IDO1: variants seen among roughly 807,000 people sequenced by gnomAD.
IDO1 encodes the protein indoleamine 2,3-dioxygenase 1.
IDO1 carries 35 observed loss-of-function variants against 38.8 expected under a neutral mutation model. The observed-to-expected ratio is 0.90, with a 90% confidence interval of 0.69 to 1.20. The LOEUF is 1.20. IDO1 is among the 50% of genes most tolerant of loss of function. The pLI, the probability that IDO1 is intolerant of heterozygous loss-of-function variation, is 0.00. For missense variants in IDO1, 509 were observed against 485.1 expected, an observed-to-expected ratio of 1.05 and a Z score of -0.46; for synonymous variants, 171 against 170.0, an observed-to-expected ratio of 1.01 and a Z score of -0.05.
chr8:39,915,406 A>G (rs1290606078), intron 1 of IDO1, among the ~76,000 whole-genome samples: 2 of 152,232 alleles, frequency 1.3e-5, no homozygotes, highest in East Asian at 3.8e-4. Context: ...ACCTTTAAAC[A>G]CAGCAAATGT....
chr8:39,918,653 GGA>G lies in IDO1; in HGVS notation c.304-159_304-158del, dbSNP rs568878866. Among the ~76,000 whole-genome samples, 307 of 149,552 alleles carry G rather than the reference GGA, an allele frequency of 2.1e-3. 2 individuals carry two copies. Among genetic ancestry groups the G allele is most frequent in the Non-Finnish European group, 3.3e-3 (226 of 67,646 alleles). On this transcript the variant is annotated intron_variant, in intron 3 of 9. Coordinates refer to ENST00000518237, the MANE Select transcript of IDO1 (RefSeq NM_002164.6). ...CCCAGCTACTCGGGAGGCTGAGGTG[GGA>G]GAATCACTTGAACCTGGGAGGCAGA...
chr8:39,915,672 A>C (rs1443335293), intron 1 of IDO1: 2 of 152,234 alleles, frequency 1.3e-5, no homozygotes, highest in African/African-American at 2.4e-5. Context: ...GATTTCAAGG[A>C]TGTACTTATC....
intron 6 of IDO1, 48 bp downstream of exon 6, chr8:39,922,699 G>A (rs368252945): frequency 3.9e-4 from 498 of 1,263,346 alleles, no homozygotes; most frequent in South Asian, 5.0e-4. Context: ...TACGTAAGCA[G>A]AGCAATCACT....
At chr8:39,918,469 A>G (rs1807213638) in intron 3 of IDO1, 2 of 483,608 alleles carry the variant, frequency 4.1e-6, no homozygotes, top group African/African-American at 3.9e-5. Flanking sequence ...TGCAATATCT[A>G]ACCTTTAAAA....
chr8:39,919,181 C>T, intron 4 of IDO1: 1 of 606,670 alleles, frequency 1.6e-6, no homozygotes, highest in Non-Finnish European at 3.1e-6. Context: ...TTGAATTTAA[C>T]TATTATATAC....
intron 4 of IDO1, among the ~76,000 whole-genome samples, chr8:39,919,202 C>T (rs1019865919): frequency 6.6e-6 from 1 of 152,066 alleles, no homozygotes; most frequent in Non-Finnish European, 1.5e-5. Flanking sequence ...ATACATACAC[C>T]CACCATTCTC....
At chr8:39,918,067 A>C (rs1379088116) in intron 2 of IDO1, 21 bp from the exon 3 acceptor site, 1 of 1,613,732 alleles carries the variant, frequency 6.2e-7, no homozygotes, top group East Asian at 2.2e-5. Flanking sequence ...GATTTGAGTC[A>C]ATTGCTCCAT....
Position 39,913,938 on chromosome 8 carries a change from GA to G in IDO1, c.20del (p.Asn7ThrfsTer44). 6.4e-7 allele frequency: 1 copy of G among 1,571,702 alleles called. No homozygotes were observed. The highest frequency in any genetic ancestry group is 1.9e-5 in the Admixed American group (1 of 53,096). On this transcript the variant is annotated frameshift_variant, in exon 1 of 10. Coordinates refer to ENST00000518237, the MANE Select transcript of IDO1 (RefSeq NM_002164.6). LOFTEE classifies it high-confidence loss of function. Reference protein sequence around the residue: MAHAMENSWTISKEYH... With the variant: MAHAMXNSWTISKEYH... Reference sequence around the variant, plus strand: ...GACTACAAGAATGGCACACGCTATGGAAAACTCCTGGACAATCAGTAAAGAG... The same window carrying G: ...GACTACAAGAATGGCACACGCTATGGAAACTCCTGGACAATCAGTAAAGAG...
intron 7 of IDO1, 186 bp downstream of exon 7, chr8:39,923,772 T>A: frequency 2.3e-6 from 1 of 425,956 alleles, no homozygotes; most frequent in South Asian, 4.3e-5. Context: ...ATAAGTAAAG[T>A]CATCTAAATT....
intron 3 of IDO1, 103 bp downstream of exon 3, chr8:39,918,310 CA>C (rs1807211754): frequency 1.7e-6 from 2 of 1,163,882 alleles, no homozygotes; most frequent in Non-Finnish European, 2.5e-6. Context: ...CTGCATCATG[CA>C]AAGTTTAGAT....
Position 39,918,188 on chromosome 8 carries a change from G to A in IDO1, c.284G>A (p.Gly95Asp). Residue 95 changes from glycine to aspartate, a missense_variant, in exon 3 of 10, where the codon GGT (glycine) becomes GAT (aspartate). Physicochemically the swap from Gly to Asp is moderately conservative, Grantham distance 94. Transcript: ENST00000518237. ...CITMAYVWGKGHGDVRKVLPR... is the reference protein window; with the variant it reads ...CITMAYVWGKDHGDVRKVLPR... ...ACCATGGCATATGTGTGGGGCAAAGGTCATGGAGATGTCCGTAAGGTTTGG... is the reference window on the plus strand; with the variant it reads ...ACCATGGCATATGTGTGGGGCAAAGATCATGGAGATGTCCGTAAGGTTTGG... 1 of 1,612,928 alleles carries A rather than the reference G, an allele frequency of 6.2e-7. No homozygotes were observed. The highest frequency in any genetic ancestry group is 8.5e-7 in the Non-Finnish European group (1 of 1,179,020).
At chr8:39,914,985 T>A (rs1221784034) in intron 1 of IDO1, among the ~76,000 whole-genome samples, 1 of 152,182 alleles carries the variant, frequency 6.6e-6, no homozygotes, top group Non-Finnish European at 1.5e-5. Flanking sequence ...CAGGCTGGTC[T>A]CGAACTCCTG....
chr8:39,918,771 AAC>A (rs1326447555), intron 3 of IDO1, 42 bp from the exon 4 acceptor site: 45 of 684,124 alleles, frequency 6.6e-5, no homozygotes, highest in African/African-American at 2.3e-4. Flanking sequence ...AAAAAAAAAC[AAC>A]AACAACAACA....
intron 4 of IDO1, among the ~76,000 whole-genome samples, chr8:39,919,374 T>C (rs2129592215): frequency 6.6e-6 from 1 of 152,308 alleles, no homozygotes; most frequent in East Asian, 1.9e-4. Flanking sequence ...TAGACTCTTG[T>C]GTCTGGCTTC....
At position 39,922,445 on chromosome 8, in the gene IDO1, C is replaced by T; in HGVS notation, c.438-107C>T. On this transcript the variant is annotated intron_variant, in intron 5 of 9. Transcript: ENST00000518237. ...AATGGAGATAGTAAGGCCTGCCACA[C>T]CTCTCTCATAAAATTATGTTGAAAC... 6 of 730,484 alleles carry T rather than the reference C, an allele frequency of 8.2e-6. No homozygotes were observed. In the South Asian group the frequency reaches 9.3e-5, roughly 11 times the overall value. 45.3% of individuals were successfully genotyped at this position (730,484 alleles called of 1,614,324 possible).
At chr8:39,917,779 G>A in intron 1 of IDO1, 96 bp from the exon 2 acceptor site, 1 of 765,294 alleles carries the variant, frequency 1.3e-6, no homozygotes, top group Non-Finnish European at 2.2e-6. Flanking sequence ...GGGCAACATT[G>A]CACAGAATGG....
intron 1 of IDO1, chr8:39,915,749 A>G (rs558076083): frequency 6.6e-6 from 1 of 152,318 alleles, no homozygotes; most frequent in African/African-American, 2.4e-5. Context: ...TGTTTCTCAG[A>G]TATTCGATTC....
Position 39,928,304 on chromosome 8 carries a change from C to A in IDO1, c.*119C>A. ...GCAATGTTTTACCAATAATGCAATACAAAAGACCTCAAAATACCTGTGCAT... is the reference window on the plus strand; with the variant it reads ...GCAATGTTTTACCAATAATGCAATAAAAAAGACCTCAAAATACCTGTGCAT... On this transcript the variant is annotated 3_prime_UTR_variant, in exon 10 of 10. Transcript: ENST00000518237. 1.5e-6 allele frequency: 1 copy of A among 653,604 alleles called. No homozygotes were observed. The allele number at this position is 653,604 out of a possible 1,614,324, so 40.5% of individuals were successfully genotyped here.
chr8:39,922,146 G>A (rs758751903), intron 5 of IDO1, among the ~76,000 whole-genome samples: 44 of 152,048 alleles, frequency 2.9e-4, no homozygotes, highest in Non-Finnish European at 4.7e-4. Flanking sequence ...GATTACAGGC[G>A]CCCATCACCA....
Sources: allele counts gnomAD v4.1 joint callset (sites outside exome capture counted in the v4.1 genomes callset), GRCh38; gene constraint gnomAD v4.1.1; transcripts MANE v1.5; gene names NCBI Gene and HGNC (gene_info 2026-07-23, HGNC 2026-07-21).